The following FDFT1 variants were observed in gnomAD, a reference collection of about 807,000 sequenced individuals.
FDFT1 encodes farnesyl-diphosphate farnesyltransferase 1, also known as squalene synthase.
FDFT1 carries 68 observed loss-of-function variants against 46.8 expected under a neutral mutation model. The observed-to-expected ratio is 1.45, with a 90% CI of 1.19 to 1.78. The LOEUF (loss-of-function observed/expected upper bound fraction) is 1.78. Among genes scored for constraint, FDFT1 ranks in the 40% most tolerant of loss-of-function variants. The pLI is 0.00. For synonymous variants in FDFT1, 351 were observed against 185.1 expected, an observed-to-expected ratio of 1.90 and a Z score of -7.28; for missense variants, 928 against 524.4, an observed-to-expected ratio of 1.77 and a Z score of -7.52.
chr8:11,801,755 G>A (rs867591307), upstream of FDFT1: 3 of 351,134 alleles, frequency 8.5e-6, no homozygotes, highest in Middle Eastern at 2.1e-3. Flanking sequence ...GTGCAGCGGT[G>A]TCATCTTGGC....
rs1811985283 is a variant in FDFT1 at position 11,839,174 on chromosome 8, T to C, written c.*565T>C. The C allele has an allele frequency of 6.5e-6, 1 of 154,878 alleles. No homozygotes were observed. Among genetic ancestry groups the C allele is most frequent in the African/African-American group, 2.4e-5 (1 of 41,462 alleles). 9.6% of individuals were successfully genotyped at this position (154,878 alleles called of 1,614,324 possible). ...TAAAATTCTGGGTATTCTCGTATTCTCATTTAAAGGAGTTTAGCTTTCAGA... is the reference window on the plus strand; with the variant it reads ...TAAAATTCTGGGTATTCTCGTATTCCCATTTAAAGGAGTTTAGCTTTCAGA... On this transcript the variant is annotated 3_prime_UTR_variant, in exon 8 of 8. Coordinates refer to ENST00000220584, the MANE Select transcript of FDFT1 (RefSeq NM_004462.5).
chr8:11,833,887 A>C (rs1388128459), intron 7 of FDFT1, among the ~76,000 whole-genome samples: 1 of 152,268 alleles, frequency 6.6e-6, no homozygotes, highest in Non-Finnish European at 1.5e-5. Context: ...ATTAATACTT[A>C]AGTTGATTTG....
intron 1 of FDFT1, 127 bp downstream of exon 1, chr8:11,803,058 C>A: frequency 6.9e-7 from 1 of 1,458,682 alleles, no homozygotes; most frequent in Non-Finnish European, 9.0e-7. Context: ...CTGGGTGTTC[C>A]CGTCCCCCTT....
intron 3 of FDFT1, among the ~76,000 whole-genome samples, chr8:11,820,347 A>G (rs548952101): frequency 1.3e-5 from 2 of 152,154 alleles, no homozygotes; most frequent in African/African-American, 2.4e-5. Flanking sequence ...CTGGAGTTCA[A>G]ATGCCGAGCT....
intron 1 of FDFT1, among the ~76,000 whole-genome samples, chr8:11,804,763 C>T (rs915241319): frequency 8.6e-5 from 13 of 151,828 alleles, no homozygotes; most frequent in East Asian, 1.9e-4. Context: ...CCTGCCACTA[C>T]GCCCGGCTGA....
rs548792149 is a variant in FDFT1, at chr8:11,817,737, C to T, written c.382-4013C>T. 2.0e-5 allele frequency among the ~76,000 whole-genome samples: 3 copies of T among 152,042 alleles called. No individual in the cohort carries two copies. The South Asian group carries it at 6.2e-4, about 32-fold the overall frequency. ...TCCCCTTTATCATTTTTTATTACGT[C>T]TTTTTGATTCTTCTGTCTTTTCTTC... On this transcript the variant is annotated intron_variant, in intron 3 of 7. Coordinates refer to ENST00000220584, the MANE Select transcript of FDFT1 (RefSeq NM_004462.5).
chr8:11,802,410 C>A, upstream of FDFT1: 1 of 457,652 alleles, frequency 2.2e-6, no homozygotes, highest in Middle Eastern at 3.2e-4. Flanking sequence ...TCCTAAGCCC[C>A]ACCGCCTCAC....
chr8:11,807,115 G>A (rs1432871916), intron 1 of FDFT1, among the ~76,000 whole-genome samples: 1 of 152,112 alleles, frequency 6.6e-6, no homozygotes, highest in Non-Finnish European at 1.5e-5. Flanking sequence ...TTTCCTAGAA[G>A]TGGATATGCC....
At chr8:11,800,517 G>T (rs1429263780), upstream of FDFT1, among the ~76,000 whole-genome samples, 4 of 152,086 alleles carry the variant, frequency 2.6e-5, no homozygotes, top group African/African-American at 9.7e-5. Flanking sequence ...TTTAAAAGAG[G>T]CAAAGGTAGA....
chr8:11,805,016 C>T (rs1806650050), intron 1 of FDFT1, among the ~76,000 whole-genome samples: 1 of 150,976 alleles, frequency 6.6e-6, no homozygotes, highest in African/African-American at 2.4e-5. Flanking sequence ...TGAAGCCATC[C>T]TCCCACCTCG....
At chr8:11,831,335 G>GGA (rs1245271739) in intron 6 of FDFT1, among the ~76,000 whole-genome samples, 183 bp from the exon 7 acceptor site, 3 of 152,222 alleles carry the variant, frequency 2.0e-5, no homozygotes, top group African/African-American at 7.2e-5. Context: ...GAGAAAGGGA[G>GGA]GAGTGGGGAA....
intron 5 of FDFT1, among the ~76,000 whole-genome samples, chr8:11,828,165 A>G (rs568028196): frequency 1.1e-4 from 17 of 152,226 alleles, no homozygotes; most frequent in Middle Eastern, 6.8e-3. Context: ...GCACACCCCT[A>G]TAGTTCTCGC....
intron 1 of FDFT1, chr8:11,807,815 A>C (rs551185145): frequency 1.5e-4 from 23 of 152,388 alleles, no homozygotes; most frequent in African/African-American, 5.0e-4. Flanking sequence ...AATAGGTGTC[A>C]TAGAAAAACC....
chr8:11,797,470 G>A (rs368851426), upstream of FDFT1, among the ~76,000 whole-genome samples: 7 of 151,934 alleles, frequency 4.6e-5, no homozygotes, highest in African/African-American at 1.7e-4. Flanking sequence ...ACTCATCTTT[G>A]TTTTTTCCCA....
At chr8:11,830,174 C>G (rs148169644) in intron 5 of FDFT1, 70 bp from the exon 6 acceptor site, 13 of 1,260,142 alleles carry the variant, frequency 1.0e-5, no homozygotes, top group Non-Finnish European at 1.3e-5. Flanking sequence ...CACAAAGACC[C>G]TTTAATATTG....
chr8:11,799,431 A>G (rs1196930539), upstream of FDFT1, among the ~76,000 whole-genome samples: 2 of 152,238 alleles, frequency 1.3e-5, no homozygotes, highest in Non-Finnish European at 2.9e-5. Flanking sequence ...TGATTCTTCA[A>G]GTGTAGGGGT....
chr8:11,812,153 G>C lies in FDFT1; in HGVS notation c.381+2303G>C, dbSNP rs553696577. Among the ~76,000 whole-genome samples the C allele has an allele frequency of 4.6e-5, 7 of 152,312 alleles. No homozygotes were observed. In the South Asian group the frequency reaches 1.0e-3, roughly 23 times the overall value. On this transcript the variant is annotated intron_variant, in intron 3 of 7. Transcript: ENST00000220584. ...TCTAGGCCCCCTCACTCCCAAAGGG[G>C]TGAGGGATCACTGGGGCCATGGGAA...
intron 3 of FDFT1, among the ~76,000 whole-genome samples, chr8:11,810,505 G>C (rs553894230): frequency 3.9e-5 from 6 of 152,162 alleles, no homozygotes; most frequent in Admixed American, 3.9e-4. Flanking sequence ...AGAGCTGAGA[G>C]GATTAATTTC....
At chr8:11,821,713 T>C (rs1809271994) in intron 3 of FDFT1, 37 bp from the exon 4 acceptor site, 5 of 1,608,936 alleles carry the variant, frequency 3.1e-6, no homozygotes, top group South Asian at 1.1e-5. Context: ...TCTGTACATA[T>C]TTCATGATTT....
Sources: allele counts gnomAD v4.1 joint callset (sites outside exome capture counted in the v4.1 genomes callset), GRCh38; gene constraint gnomAD v4.1.1; transcripts MANE v1.5; gene names NCBI Gene and HGNC (gene_info 2026-07-23, HGNC 2026-07-21).